The following SASH1 variants were observed in gnomAD, a reference collection of about 807,000 sequenced individuals.
The protein encoded by SASH1 is SAM and SH3 domain containing 1.
In SASH1, 44 loss-of-function variants were observed where a neutral mutation model predicts 125.2. The observed-to-expected ratio is 0.35, with a 90% confidence interval of 0.28 to 0.45. The LOEUF (loss-of-function observed/expected upper bound fraction) is 0.45. SASH1 is among the 20% of genes least tolerant of loss of function. The pLI is 1.00. For missense variants in SASH1, 1,426 were observed against 1,614.5 expected, an observed-to-expected ratio of 0.88 and a Z score of 2.00; for synonymous variants, 639 against 649.1, an observed-to-expected ratio of 0.98 and a Z score of 0.24.
At chr6:148,542,879 T>TGTGTGC (rs1491203431) in intron 17 of SASH1, among the ~76,000 whole-genome samples, 139 of 138,906 alleles carry the variant, frequency 1.0e-3, no homozygotes, top group African/African-American at 2.7e-3. Context: ...TGTGTGTGTG[T>TGTGTGC]GCGCGCGCAC....
chr6:148,213,629 G>C, the SASH1 span, among the ~76,000 whole-genome samples: 1 of 146,140 alleles, frequency 6.8e-6, no homozygotes, highest in Non-Finnish European at 1.6e-5. Flanking sequence ...AATCCTTACA[G>C]TTCTTTTGAC....
In SASH1 at chr6:148,533,257, C is replaced by T. The variant is rs1448947376; in HGVS notation, c.1734+291C>T. Among the ~76,000 whole-genome samples, 1 of 152,198 alleles carries T rather than the reference C, an allele frequency of 6.6e-6. No individual in the cohort carries two copies. Among genetic ancestry groups the T allele is most frequent in the Admixed American group, 6.5e-5 (1 of 15,288 alleles). ...CACCCTCCCTCTCCCCACCTGGCTCCTGCTCCACACACCTGGTTTCTGTGT... is the reference window on the plus strand; with the variant it reads ...CACCCTCCCTCTCCCCACCTGGCTCTTGCTCCACACACCTGGTTTCTGTGT... On this transcript the variant is annotated intron_variant, in intron 14 of 19. Transcript: ENST00000367467. The surrounding 1 kb of genome is among the most constrained non-coding windows in gnomAD (Gnocchi z 6.2).
intron 10 of SASH1, among the ~76,000 whole-genome samples, chr6:148,524,057 T>C: frequency 6.7e-6 from 1 of 149,818 alleles, no homozygotes; most frequent in African/African-American, 2.4e-5. Context: ...AATGTAGGCA[T>C]TTTCCTTCTA....
At position 148,487,639 on chromosome 6, in the gene SASH1, G is replaced by A. The variant is rs200804474; in HGVS notation, c.653G>A (p.Arg218Gln). 6.1e-5 allele frequency: 98 copies of A among 1,613,196 alleles called. No individual in the cohort carries two copies. Among genetic ancestry groups the A allele is most frequent in the Non-Finnish European group, 7.3e-5 (86 of 1,179,658 alleles). The change falls in exon 8 of 20, where the codon CGG becomes CAG. Residue 218 changes from arginine (R) to glutamine (Q), a missense_variant. By Grantham distance (43) the Arg-to-Gln change is conservative. Around this residue, in one of 3 missense-constraint regions of SASH1, gnomAD observed 567 missense variants for 575.6 expected, o/e 0.99. Transcript: ENST00000367467. Reference sequence around the variant, plus strand: ...CTCAAGGAATACGAGGCCCAGCACCGGCAGTCGGCTGCCCTGGACCCTGCT... The same window carrying A: ...CTCAAGGAATACGAGGCCCAGCACCAGCAGTCGGCTGCCCTGGACCCTGCT... ...ARLKEYEAQH[R>Q]QSAALDPADW... is the part of the protein sequence containing the mutation.
intron 1 of SASH1, among the ~76,000 whole-genome samples, chr6:148,290,601 G>A (rs758330502): frequency 6.6e-5 from 10 of 152,028 alleles, no homozygotes; most frequent in South Asian, 6.3e-4. Flanking sequence ...GTGAGATTCC[G>A]TCTCAAAAAA....
intron 2 of SASH1, among the ~76,000 whole-genome samples, chr6:148,401,245 C>T (rs1316475645): frequency 1.3e-5 from 2 of 150,000 alleles, no homozygotes; most frequent in Non-Finnish European, 3.0e-5. Context: ...CAGAATGAGA[C>T]CCTATCTCAA....
chr6:148,509,216 A>C (rs1035327974), intron 8 of SASH1: 2 of 276,918 alleles, frequency 7.2e-6, no homozygotes, highest in Non-Finnish European at 1.4e-5. Flanking sequence ...ATAAGCTTAT[A>C]TCTGATTGGC....
At chr6:148,310,824 G>T (rs903956713) in intron 1 of SASH1, among the ~76,000 whole-genome samples, 7 of 152,126 alleles carry the variant, frequency 4.6e-5, no homozygotes, top group African/African-American at 1.4e-4. Context: ...AAAAAAAAAG[G>T]CTGGTAATGG....
intron 1 of SASH1, among the ~76,000 whole-genome samples, chr6:148,314,745 A>G (rs17706306): frequency 0.072 from 10,847 of 150,732 alleles, 433 homozygotes; most frequent in Non-Finnish European, 0.086. Context: ...TTTCAAGTCT[A>G]TTAATGAAAA....
the SASH1 span, among the ~76,000 whole-genome samples, chr6:148,245,997 A>C: frequency 6.6e-6 from 1 of 152,134 alleles, no homozygotes; most frequent in African/African-American, 2.4e-5. Context: ...AACAAAAAAA[A>C]AAGAAAAAGA....
chr6:148,417,903 T>G (rs1238031518), intron 2 of SASH1, among the ~76,000 whole-genome samples: 3 of 152,160 alleles, frequency 2.0e-5, no homozygotes, highest in Non-Finnish European at 4.4e-5. Flanking sequence ...TGATGATAAC[T>G]TTGATGATGA....
At chr6:148,510,960 C>T (rs1780080280) in intron 8 of SASH1, among the ~76,000 whole-genome samples, 1 of 145,432 alleles carries the variant, frequency 6.9e-6, no homozygotes, top group African/African-American at 2.6e-5. Context: ...CGCACCACTG[C>T]ACCCCAGCCT....
intron 2 of SASH1, among the ~76,000 whole-genome samples, chr6:148,398,392 A>ATGT (rs1406075494): frequency 1.3e-5 from 2 of 152,084 alleles, no homozygotes; most frequent in African/African-American, 4.8e-5. Context: ...CTCTTTTGTT[A>ATGT]TTTGCTACAG....
At chr6:148,359,330 T>G (rs1372384532) in intron 1 of SASH1, among the ~76,000 whole-genome samples, 3 of 149,222 alleles carry the variant, frequency 2.0e-5, no homozygotes, top group Non-Finnish European at 4.4e-5. Flanking sequence ...GGCCGGTTTT[T>G]TTTTTTTTTT....
chr6:148,321,771 A>G (rs1295144232), intron 1 of SASH1, among the ~76,000 whole-genome samples: 1 of 152,200 alleles, frequency 6.6e-6, no homozygotes, highest in Non-Finnish European at 1.5e-5. Context: ...AGCATCAGGG[A>G]AATGTAATTA....
At chr6:148,218,014 CA>C in the SASH1 span, among the ~76,000 whole-genome samples, 2,219 of 138,102 alleles carry the variant, frequency 0.016, 65 homozygotes, top group African/African-American at 0.051. Context: ...GACTCTGTCT[CA>C]AAAAAAAAAA....
chr6:148,221,202 T>A, the SASH1 span, among the ~76,000 whole-genome samples: 1 of 152,252 alleles, frequency 6.6e-6, no homozygotes, highest in Admixed American at 6.5e-5. Flanking sequence ...CATTTATTTT[T>A]TTTTATTATT....
intron 1 of SASH1, among the ~76,000 whole-genome samples, chr6:148,299,585 T>C (rs1779878740): frequency 6.6e-6 from 1 of 150,630 alleles, no homozygotes; most frequent in South Asian, 2.1e-4. Flanking sequence ...GAGAATCTCT[T>C]GAACCTGGGA....
rs1378637963 is a variant in SASH1, at chr6:148,533,070, C to G, written c.1734+104C>G. On this transcript the variant is annotated intron_variant, in intron 14 of 19. Transcript: ENST00000367467. This position sits in a 1 kb window ranked among gnomAD's most constrained non-coding sequence, Gnocchi z 6.2. ...GAATGCTGGGCTACTATGGTACAGA[C>G]TGGACAGTATCTTGGCTACCTCGAT... 9 of 1,272,782 alleles carry G rather than the reference C, an allele frequency of 7.1e-6. No homozygotes were observed. The Admixed American group carries it at 1.3e-4, about 19-fold the overall frequency. 78.8% of individuals were successfully genotyped at this position (1,272,782 alleles called of 1,614,324 possible). A position where few individuals can be genotyped will look rare whatever the true frequency, so the allele number is the denominator to read the frequency against.
Sources: allele counts gnomAD v4.1 joint callset (sites outside exome capture counted in the v4.1 genomes callset), GRCh38; gene constraint gnomAD v4.1.1; regional missense constraint gnomAD v4.1.1; non-coding constraint Gnocchi (gnomAD v3.1); transcripts MANE v1.5; gene names NCBI Gene and HGNC (gene_info 2026-07-23, HGNC 2026-07-21).